ATG7: variants seen among roughly 807,000 people sequenced by gnomAD.
ATG7 encodes ubiquitin-like modifier-activating enzyme ATG7.
A neutral mutation model predicts 82.4 loss-of-function variants in ATG7; 70 were observed. That is an observed-to-expected ratio of 0.85 (90% CI 0.70 to 1.04). The LOEUF is 1.04. Ranked by LOEUF, ATG7 falls within the 50% of genes least tolerant of loss-of-function variation. The pLI is 0.00. For synonymous variants in ATG7, 287 were observed against 313.0 expected, an observed-to-expected ratio of 0.92 and a Z score of 0.88; for missense variants, 792 against 864.3, an observed-to-expected ratio of 0.92 and a Z score of 1.05.
intron 20 of ATG7, among the ~76,000 whole-genome samples, chr3:11,545,060 C>G (rs1184734319): frequency 1.3e-5 from 2 of 152,150 alleles, no homozygotes; most frequent in African/African-American, 4.8e-5. Flanking sequence ...CGGAGAGGAG[C>G]TTTCTAAGCC....
chr3:11,483,257 A>T (rs1241325134), intron 20 of ATG7, among the ~76,000 whole-genome samples: 1 of 152,136 alleles, frequency 6.6e-6, no homozygotes, highest in African/African-American at 2.4e-5. Context: ...TCTTGGCATC[A>T]CAGAAGCTTG....
chr3:11,278,809 C>T (rs773610828), intron 1 of ATG7, among the ~76,000 whole-genome samples: 5 of 152,150 alleles, frequency 3.3e-5, no homozygotes, highest in African/African-American at 1.2e-4. Flanking sequence ...TAACTGCATA[C>T]GTGCTATGAA....
At chr3:11,339,526 A>G (rs1953166525) in intron 11 of ATG7, among the ~76,000 whole-genome samples, 1 of 152,046 alleles carries the variant, frequency 6.6e-6, no homozygotes, top group South Asian at 2.1e-4. Context: ...TTCAATGAGA[A>G]AGGGGGAGTA....
chr3:11,411,896 T>C (rs993350009), intron 19 of ATG7, among the ~76,000 whole-genome samples: 3 of 152,152 alleles, frequency 2.0e-5, no homozygotes, highest in African/African-American at 4.8e-5. Flanking sequence ...TTTTTTAATA[T>C]GGTGTTAGGT....
chr3:11,522,035 A>T (rs2092456794), intron 20 of ATG7, among the ~76,000 whole-genome samples: 1 of 152,192 alleles, frequency 6.6e-6, no homozygotes, highest in South Asian at 2.1e-4. Context: ...AGAAAGGGAC[A>T]CTAAGGGCCA....
intron 14 of ATG7, chr3:11,348,737 T>C (rs1954973578): frequency 6.6e-6 from 1 of 152,088 alleles, no homozygotes; most frequent in Non-Finnish European, 1.5e-5. Context: ...CCCTGATTTG[T>C]CCCCACCCAC....
intron 19 of ATG7, among the ~76,000 whole-genome samples, chr3:11,421,035 G>A (rs1434642378): frequency 1.3e-5 from 2 of 152,114 alleles, no homozygotes; most frequent in East Asian, 1.9e-4. Context: ...GATTACAGGC[G>A]TGAGCCACCA....
chr3:11,431,151 A>T (rs201337816), intron 20 of ATG7, among the ~76,000 whole-genome samples: 4 of 152,268 alleles, frequency 2.6e-5, no homozygotes, highest in African/African-American at 9.6e-5. Flanking sequence ...CTGTAATCCC[A>T]GCACTTTTGG....
intron 20 of ATG7, among the ~76,000 whole-genome samples, chr3:11,540,640 C>A (rs375283029): frequency 1.2e-4 from 18 of 146,752 alleles, no homozygotes; most frequent in East Asian, 2.0e-4. Flanking sequence ...CACCCCATCT[C>A]AAAAAAAAAA....
chr3:11,358,933 C>G (rs572425313), intron 15 of ATG7, among the ~76,000 whole-genome samples: 2 of 152,270 alleles, frequency 1.3e-5, no homozygotes, highest in Admixed American at 6.5e-5. Context: ...ATGACAACTT[C>G]AAGGGGCAAC....
chr3:11,389,104 C>A (rs1035050437), intron 19 of ATG7, among the ~76,000 whole-genome samples: 3 of 151,606 alleles, frequency 2.0e-5, no homozygotes, highest in African/African-American at 7.3e-5. Flanking sequence ...AAAAATTAGC[C>A]ACACTTGTAA....
chr3:11,313,476 T>G (rs1948970734), intron 8 of ATG7, 56 bp downstream of exon 8: 4 of 1,273,690 alleles, frequency 3.1e-6, no homozygotes, highest in Non-Finnish European at 4.5e-6. Flanking sequence ...CAAGAGTAGT[T>G]ATGTAGTTCT....
intron 18 of ATG7, among the ~76,000 whole-genome samples, chr3:11,371,304 A>G (rs2076978812): frequency 6.6e-6 from 1 of 151,064 alleles, no homozygotes; most frequent in Non-Finnish European, 1.5e-5. Flanking sequence ...ATGGCTGGGA[A>G]AGGTGCTCAG....
chr3:11,519,102 A>C (rs2092364705), intron 20 of ATG7, among the ~76,000 whole-genome samples: 1 of 152,216 alleles, frequency 6.6e-6, no homozygotes, highest in Non-Finnish European at 1.5e-5. Flanking sequence ...TCCAGAGTGC[A>C]AATCCCCTGC....
chr3:11,314,326 C>T (rs117526994), intron 8 of ATG7, among the ~76,000 whole-genome samples: 1 of 152,324 alleles, frequency 6.6e-6, no homozygotes, highest in East Asian at 1.9e-4. Flanking sequence ...TGAAACACAT[C>T]AATCACTAAA....
intron 19 of ATG7, among the ~76,000 whole-genome samples, chr3:11,400,116 G>A (rs920040754): frequency 1.3e-5 from 2 of 152,180 alleles, no homozygotes; most frequent in Non-Finnish European, 2.9e-5. Context: ...TTCACAACCT[G>A]ACACTGTGTC....
intron 14 of ATG7, chr3:11,348,328 T>A (rs1954894071): frequency 3.2e-6 from 1 of 312,192 alleles, no homozygotes; most frequent in Admixed American, 4.6e-5. Context: ...CAGTGAGTGT[T>A]ACAGCTCTTA....
intron 19 of ATG7, among the ~76,000 whole-genome samples, chr3:11,397,291 C>A (rs1315474578): frequency 6.6e-6 from 1 of 151,968 alleles, no homozygotes; most frequent in Non-Finnish European, 1.5e-5. Flanking sequence ...GCTGCTGTAG[C>A]TATATTAGTA....
At chr3:11,343,414 T>G (rs1953981525) in intron 13 of ATG7, among the ~76,000 whole-genome samples, 1 of 152,204 alleles carries the variant, frequency 6.6e-6, no homozygotes. Flanking sequence ...ATTTCTTTTG[T>G]GAGTTTTATT....
Sources: allele counts gnomAD v4.1 joint callset (sites outside exome capture counted in the v4.1 genomes callset), GRCh38; gene constraint gnomAD v4.1.1; transcripts MANE v1.5; gene names NCBI Gene and HGNC (gene_info 2026-07-23, HGNC 2026-07-21).